GTF3C3: variants seen among roughly 807,000 people sequenced by gnomAD.
The protein encoded by GTF3C3 is general transcription factor IIIC subunit 3, also known as general transcription factor 3C polypeptide 3.
GTF3C3 carries 75 observed loss-of-function variants against 105.2 expected under a neutral mutation model. That is an observed-to-expected ratio of 0.71 (90% confidence interval 0.59 to 0.86). The LOEUF is 0.86. Among genes scored for constraint, GTF3C3 ranks in the 40% least tolerant of loss-of-function variants. The pLI is 0.00. For missense variants in GTF3C3, 856 were observed against 1,076.5 expected (o/e 0.80, Z 2.87); for synonymous variants, 335 against 370.4 (o/e 0.90, Z 1.10).
rs1437472702 is a variant in GTF3C3 at position 196,776,424 on chromosome 2, C to T, written c.1593+3G>A. 6.2e-7 allele frequency: 1 copy of T among 1,611,546 alleles called. No homozygotes were observed. ...AAACTTCCCTCTATGTGACATGGCC[C>T]ACCTGCTGTGCAGCATTTGCATCCT... On this transcript the variant is annotated splice_donor_region_variant and intron_variant, in intron 11 of 17. Coordinates refer to ENST00000263956, the MANE Select transcript of GTF3C3 (RefSeq NM_012086.5). The surrounding 1 kb of genome is among the most constrained non-coding windows in gnomAD (Gnocchi z 4.5).
At chr2:196,794,439 A>G (rs1257338793) in intron 2 of GTF3C3, among the ~76,000 whole-genome samples, 1 of 152,154 alleles carries the variant, frequency 6.6e-6, no homozygotes, top group Non-Finnish European at 1.5e-5. Flanking sequence ...TGTTCAAAAT[A>G]TATATGTATT....
chr2:196,799,504 CCTCA>C lies in GTF3C3; in HGVS notation c.102+2_102+5del, dbSNP rs773506521. 5.6e-6 allele frequency: 9 copies of C among 1,610,428 alleles called. No homozygotes were observed. The African/African-American group carries it at 1.1e-4, about 19-fold the overall frequency. Reference sequence around the variant, plus strand: ...TGAAGGGCACCGTGGCCTAGCATCGCCTCACTTTCTTCTCGCGGGTTTTTCTCTC... The same window carrying C: ...TGAAGGGCACCGTGGCCTAGCATCGCCTTTCTTCTCGCGGGTTTTTCTCTC... On this transcript the variant is annotated splice_donor_variant and splice_donor_5th_base_variant and intron_variant, in intron 1 of 17. Coordinates refer to ENST00000263956, the MANE Select transcript of GTF3C3 (RefSeq NM_012086.5). LOFTEE classifies it high-confidence loss of function.
At chr2:196,794,826 C>T (rs1439059150) in intron 2 of GTF3C3, among the ~76,000 whole-genome samples, 2 of 151,826 alleles carry the variant, frequency 1.3e-5, no homozygotes, top group East Asian at 3.9e-4. Context: ...CCTCCACCTC[C>T]CAGGTGATTC....
intron 8 of GTF3C3, 186 bp from the exon 9 acceptor site, chr2:196,780,848 T>A: frequency 1.7e-6 from 1 of 579,098 alleles, no homozygotes. Flanking sequence ...TGCTTCCTAT[T>A]CGATTTCTAA....
chr2:196,763,447 AAC>A lies in GTF3C3; in HGVS notation c.*1114_*1115del, dbSNP rs1043638239. 2.9e-4 allele frequency: 44 copies of A among 152,346 alleles called. No individual in the cohort carries two copies. The highest frequency in any genetic ancestry group is 9.6e-4 in the African/African-American group (40 of 41,584). 9.4% of individuals were successfully genotyped at this position (152,346 alleles called of 1,614,324 possible). ...CATAAAGTAAAAATTAAGCATGTGAAACAGTTAACCTCAATTATAAAAATAAA... is the reference window on the plus strand; with the variant it reads ...CATAAAGTAAAAATTAAGCATGTGAAAGTTAACCTCAATTATAAAAATAAA... On this transcript the variant is annotated 3_prime_UTR_variant, in exon 18 of 18. Coordinates refer to ENST00000263956, the MANE Select transcript of GTF3C3 (RefSeq NM_012086.5).
rs1699669679 is a variant in GTF3C3 at position 196,797,668 on chromosome 2, C to T, written c.214+129G>A. The T allele has an allele frequency of 9.6e-6, 6 of 627,284 alleles. 1 individual carries two copies. The South Asian group carries it at 1.2e-4, about 12-fold the overall frequency. 38.9% of individuals were successfully genotyped at this position (627,284 alleles called of 1,614,324 possible). On this transcript the variant is annotated intron_variant, in intron 2 of 17. Transcript: ENST00000263956. ...ATTGGGCACCTACTATATAACCAAGCATTCTGTTCCTGAAAAACCAGGTAA... is the reference window on the plus strand; with the variant it reads ...ATTGGGCACCTACTATATAACCAAGTATTCTGTTCCTGAAAAACCAGGTAA...
Position 196,766,579 on chromosome 2 carries a change from G to C in GTF3C3, c.2524C>G (p.Pro842Ala), listed in dbSNP as rs144612738. The change falls in exon 17 of 18, where the codon CCA (proline) becomes GCA (alanine). Residue 842 changes from proline to alanine, a missense_variant. Transcript: ENST00000263956. ...HYYQKALELP[P>A]LVVEGIELDQ... is the part of the protein sequence containing the mutation. Reference sequence around the variant, plus strand: ...ATGCACAATACCTCTACCACAAGTGGAGGGAGCTCCAGGGCCTTCTGATAA... The same window carrying C: ...ATGCACAATACCTCTACCACAAGTGCAGGGAGCTCCAGGGCCTTCTGATAA... The C allele has an allele frequency of 3.3e-3, 5,267 of 1,610,272 alleles. 13 individuals carry two copies. Among genetic ancestry groups the C allele is most frequent in the Non-Finnish European group, 4.2e-3 (4,965 of 1,177,696 alleles).
chr2:196,772,723 A>AGG (rs1483724099), intron 14 of GTF3C3, among the ~76,000 whole-genome samples, 193 bp downstream of exon 14: 1 of 152,152 alleles, frequency 6.6e-6, no homozygotes, highest in Admixed American at 6.5e-5. Context: ...CGCAGCCAGT[A>AGG]GGCGTCAGGG....
At position 196,789,954 on chromosome 2, in the gene GTF3C3, C is replaced by T; in HGVS notation, c.652G>A (p.Glu218Lys). Residue 218 changes from glutamate to lysine, a missense_variant, in exon 5 of 18, where the codon GAA (glutamate) becomes AAA (lysine). By Grantham distance (56) the Glu-to-Lys change is moderately conservative. Coordinates refer to ENST00000263956, the MANE Select transcript of GTF3C3 (RefSeq NM_012086.5). ...IAAHLNPSDT[E>K]EWVRLAEMSL... ...ATTTCTGCCAGTCTAACCCATTCTT[C>T]TGTGTCACTGGGATTTAAATGCGCA... 1 of 1,613,492 alleles carries T rather than the reference C, an allele frequency of 6.2e-7. No individual in the cohort carries two copies. The highest frequency in any genetic ancestry group is 8.5e-7 in the Non-Finnish European group (1 of 1,179,542).
At chr2:196,770,512 C>G (rs1339490936) in intron 15 of GTF3C3, among the ~76,000 whole-genome samples, 1 of 152,092 alleles carries the variant, frequency 6.6e-6, no homozygotes, top group Non-Finnish European at 1.5e-5. Flanking sequence ...GTGTTGTTTT[C>G]CCAAATGTAG....
chr2:196,790,003 T>TA lies in GTF3C3; in HGVS notation c.602_603insT (p.Lys201AsnfsTer6). 6.2e-7 allele frequency: 1 copy of TA among 1,613,424 alleles called. No individual in the cohort carries two copies. The highest frequency in any genetic ancestry group is 8.5e-7 in the Non-Finnish European group (1 of 1,179,560). ...CAGCAATCAACTCAAACTGCAATGA[T>TA]TTTTCCATGTCACCTTGGTCCTCAT... On this transcript the variant is annotated frameshift_variant, in exon 5 of 18. Transcript: ENST00000263956. LOFTEE classifies it high-confidence loss of function.
At chr2:196,770,997 T>C (rs1188207017) in intron 15 of GTF3C3, among the ~76,000 whole-genome samples, 8 of 152,150 alleles carry the variant, frequency 5.3e-5, no homozygotes, top group Non-Finnish European at 2.9e-5. Flanking sequence ...AAAACCATAG[T>C]TTACTCATAA....
chr2:196,791,003 G>C (rs918986619), intron 4 of GTF3C3, among the ~76,000 whole-genome samples: 1 of 151,830 alleles, frequency 6.6e-6, no homozygotes, highest in Non-Finnish European at 1.5e-5. Flanking sequence ...ACATAATCTA[G>C]TACTGCATGA....
chr2:196,768,462 T>C (rs1022451187), intron 16 of GTF3C3, among the ~76,000 whole-genome samples: 6 of 152,136 alleles, frequency 3.9e-5, no homozygotes, highest in Admixed American at 3.3e-4. Context: ...TAATGAAACA[T>C]TGACGATTTT....
intron 16 of GTF3C3, among the ~76,000 whole-genome samples, chr2:196,769,108 A>AACTT (rs978648006): frequency 1.3e-5 from 2 of 152,154 alleles, no homozygotes; most frequent in African/African-American, 2.4e-5. Context: ...ATTTTTAAAA[A>AACTT]ACTTATTATA....
intron 8 of GTF3C3, 97 bp from the exon 9 acceptor site, chr2:196,780,759 TC>T: frequency 7.0e-7 from 1 of 1,435,382 alleles, no homozygotes; most frequent in Non-Finnish European, 9.3e-7. Context: ...AGCAAATGAT[TC>T]CACAGTCAAT....
intron 6 of GTF3C3, among the ~76,000 whole-genome samples, chr2:196,787,230 G>A (rs943800958): frequency 6.6e-6 from 1 of 151,782 alleles, no homozygotes; most frequent in African/African-American, 2.4e-5. Flanking sequence ...TCCCTTCTAT[G>A]TATCACTACA....
chr2:196,780,946 A>ACCCTCTC (rs1699339693), intron 8 of GTF3C3: 1 of 227,282 alleles, frequency 4.4e-6, no homozygotes, highest in Non-Finnish European at 8.4e-6. Flanking sequence ...GGATATATGA[A>ACCCTCTC]CCCTCTCTCT....
Position 196,776,528 on chromosome 2 carries a change from T to G in GTF3C3, c.1492A>C (p.Thr498Pro), listed in dbSNP as rs768095227. The G allele has an allele frequency of 6.2e-7, 1 of 1,614,114 alleles. No individual in the cohort carries two copies. Among genetic ancestry groups the G allele is most frequent in the Non-Finnish European group, 8.5e-7 (1 of 1,179,990 alleles). The change falls in exon 11 of 18, where the codon ACC (threonine) becomes CCC (proline). Residue 498 changes from threonine to proline, a missense_variant. Around this residue, in one of 3 missense-constraint regions of GTF3C3, gnomAD observed 605 missense variants for 833.6 expected, o/e 0.73. Transcript: ENST00000263956. This position sits in a 1 kb window ranked among gnomAD's most constrained non-coding sequence, Gnocchi z 4.5. The stretch of plus-strand genomic sequence containing the variant: ...GGCTGGCCCAGCTGCTGCTGAAGGG[T>G]AGAAAGTGAAATCCTTGCATCCAAA... ...LHLDARISLS[T>P]LQQQLGQPEK...
Sources: allele counts gnomAD v4.1 joint callset (sites outside exome capture counted in the v4.1 genomes callset), GRCh38; gene constraint gnomAD v4.1.1; regional missense constraint gnomAD v4.1.1; non-coding constraint Gnocchi (gnomAD v3.1); transcripts MANE v1.5; gene names NCBI Gene and HGNC (gene_info 2026-07-23, HGNC 2026-07-21).